The following STARD13 variants were observed in gnomAD, a reference collection of about 807,000 sequenced individuals.
STARD13 encodes the protein stAR-related lipid transfer protein 13.
STARD13 carries 62 observed loss-of-function variants against 106.4 expected under a neutral mutation model. The observed-to-expected ratio is 0.58, with a 90% confidence interval of 0.48 to 0.72. The LOEUF is 0.72. Among genes scored for constraint, STARD13 ranks in the 30% least tolerant of loss-of-function variants. The pLI is 0.00. For synonymous variants in STARD13, 565 were observed against 553.0 expected, an observed-to-expected ratio of 1.02 and a Z score of -0.31; for missense variants, 1,387 against 1,424.0, an observed-to-expected ratio of 0.97 and a Z score of 0.42.
the STARD13 span, among the ~76,000 whole-genome samples, chr13:33,522,263 C>T: frequency 2.8e-4 from 42 of 152,042 alleles, no homozygotes; most frequent in Non-Finnish European, 4.0e-4. Context: ...GAGAAAGGTA[C>T]GGACATTTCC....
chr13:33,445,721 G>A, the STARD13 span, among the ~76,000 whole-genome samples: 2 of 152,144 alleles, frequency 1.3e-5, no homozygotes, highest in African/African-American at 4.8e-5. Context: ...AAGGTGAAGG[G>A]GAATTTGTAT....
At chr13:33,190,208 CA>C (rs1256920418) in intron 1 of STARD13, among the ~76,000 whole-genome samples, 1 of 151,902 alleles carries the variant, frequency 6.6e-6, no homozygotes, top group Admixed American at 6.6e-5. Context: ...TTTGGAAGGC[CA>C]ATGAGGAAGG....
chr13:33,243,132 C>A (rs187726779), intron 1 of STARD13, among the ~76,000 whole-genome samples: 1 of 152,316 alleles, frequency 6.6e-6, no homozygotes, highest in Non-Finnish European at 1.5e-5. Flanking sequence ...ACCGCCCACT[C>A]CATAGCACAG....
intron 1 of STARD13, among the ~76,000 whole-genome samples, chr13:33,284,159 T>C (rs548140097): frequency 5.3e-5 from 8 of 152,292 alleles, no homozygotes; most frequent in Admixed American, 1.3e-4. Context: ...AATCAAGACC[T>C]GGACACAGAG....
chr13:33,203,314 A>T lies in STARD13; in HGVS notation c.170-35692T>A, dbSNP rs147717113. Among the ~76,000 whole-genome samples the T allele has an allele frequency of 6.8e-4, 104 of 152,374 alleles. 1 individual carries two copies. The East Asian group carries it at 0.012, about 17-fold the overall frequency. ...ATCATGTAAAATGAAAAGGATTTAAAATGAAAACACAGTAATCACTCCTAT... is the reference window on the plus strand; with the variant it reads ...ATCATGTAAAATGAAAAGGATTTAATATGAAAACACAGTAATCACTCCTAT... On this transcript the variant is annotated intron_variant, in intron 1 of 13. Transcript: ENST00000336934.
intron 1 of STARD13, among the ~76,000 whole-genome samples, chr13:33,297,633 GT>G (rs1231521887): frequency 6.6e-6 from 1 of 150,876 alleles, no homozygotes; most frequent in African/African-American, 2.4e-5. Context: ...CTAAAGAAAA[GT>G]TTAGAAGAAA....
chr13:33,429,675 C>T, the STARD13 span, among the ~76,000 whole-genome samples: 3 of 152,128 alleles, frequency 2.0e-5, no homozygotes, highest in African/African-American at 7.2e-5. Flanking sequence ...GAAAGACAAA[C>T]GTTCCATGTT....
the STARD13 span, among the ~76,000 whole-genome samples, chr13:33,389,447 C>T: frequency 1.3e-5 from 2 of 152,010 alleles, no homozygotes; most frequent in African/African-American, 2.4e-5. Flanking sequence ...GGTGGAGGAG[C>T]GAGGGAGTGA....
At chr13:33,309,580 G>A (rs891614461) in intron 1 of STARD13, among the ~76,000 whole-genome samples, 16 of 152,262 alleles carry the variant, frequency 1.1e-4, no homozygotes, top group Middle Eastern at 3.4e-3. Flanking sequence ...GAGAACAGCC[G>A]TATTCAACTA....
chr13:33,293,974 G>A (rs1892390007), intron 1 of STARD13, among the ~76,000 whole-genome samples: 2 of 152,032 alleles, frequency 1.3e-5, no homozygotes, highest in Admixed American at 1.3e-4. Flanking sequence ...TCCCTCTAGA[G>A]AACCCTGACT....
At chr13:33,264,588 G>C (rs1211728145) in intron 1 of STARD13, among the ~76,000 whole-genome samples, 1 of 152,188 alleles carries the variant, frequency 6.6e-6, no homozygotes, top group Non-Finnish European at 1.5e-5. Context: ...CCCATGAACA[G>C]AATGGCTTGA....
chr13:33,481,948 A>C, the STARD13 span, among the ~76,000 whole-genome samples: 3 of 150,154 alleles, frequency 2.0e-5, no homozygotes, highest in African/African-American at 7.4e-5. Context: ...GCGCCACTAC[A>C]CTCCAGCCTG....
At chr13:33,370,142 T>A in the STARD13 span, among the ~76,000 whole-genome samples, 7 of 152,306 alleles carry the variant, frequency 4.6e-5, no homozygotes, top group Admixed American at 4.6e-4. Flanking sequence ...GTTGCAAAGA[T>A]TAAATAAGAT....
the STARD13 span, among the ~76,000 whole-genome samples, chr13:33,431,920 A>G: frequency 6.6e-6 from 1 of 152,208 alleles, no homozygotes; most frequent in African/African-American, 2.4e-5. Context: ...ATTACAAAGT[A>G]TCTTGTGACT....
At chr13:33,350,340 G>A (rs1181720412) in exon 1 of STARD13, 2 of 1,534,566 alleles carry the variant, frequency 1.3e-6, no homozygotes, top group Admixed American at 3.9e-5. Flanking sequence ...CCAGGCTCTG[G>A]CCGTGGAGTC....
the STARD13 span, among the ~76,000 whole-genome samples, chr13:33,484,265 A>T: frequency 6.6e-6 from 1 of 152,226 alleles, no homozygotes; most frequent in African/African-American, 2.4e-5. Context: ...ACATGGTCAC[A>T]GGTTAGAATT....
At chr13:33,487,848 C>G in the STARD13 span, among the ~76,000 whole-genome samples, 4 of 152,174 alleles carry the variant, frequency 2.6e-5, no homozygotes, top group Non-Finnish European at 5.9e-5. Context: ...GTCACTTCTT[C>G]ACCTTTTGCA....
At chr13:33,109,753 C>T (rs1019161376) in intron 12 of STARD13, 120 bp downstream of exon 12, 37 of 866,934 alleles carry the variant, frequency 4.3e-5, no homozygotes, top group African/African-American at 1.3e-4. Flanking sequence ...AAACAAGAGC[C>T]GGCTTAGTGT....
upstream of STARD13, chr13:33,285,845 G>A: frequency 4.9e-6 from 6 of 1,220,282 alleles, no homozygotes; most frequent in Non-Finnish European, 6.4e-6. Context: ...AGGAAGAGAG[G>A]AAAATGGGAA....
Sources: allele counts gnomAD v4.1 joint callset (sites outside exome capture counted in the v4.1 genomes callset), GRCh38; gene constraint gnomAD v4.1.1; transcripts MANE v1.5; gene names NCBI Gene and HGNC (gene_info 2026-07-23, HGNC 2026-07-21).